The following NME9 variants were observed in gnomAD, a reference collection of about 807,000 sequenced individuals.
NME9 encodes the protein thioredoxin domain-containing protein 6.
A neutral mutation model predicts 44.4 loss-of-function variants in NME9; 48 were observed. That is an observed-to-expected ratio of 1.08 (90% CI 0.86 to 1.37). The LOEUF is 1.37. NME9 is among the 40% of genes most tolerant of loss of function. The probability of loss-of-function intolerance (pLI) is 0.00; values close to 1 mark genes in which losing one functional copy is unlikely to be tolerated. For missense variants in NME9, 325 were observed against 405.2 expected (o/e 0.80, Z 1.70); for synonymous variants, 139 against 147.1 (o/e 0.94, Z 0.40).
intron 8 of NME9, among the ~76,000 whole-genome samples, chr3:138,278,893 G>T (rs2049581819): frequency 6.6e-6 from 1 of 152,078 alleles, no homozygotes; most frequent in Non-Finnish European, 1.5e-5. Context: ...TGTCAGTCTT[G>T]TATCCTGCAT....
chr3:138,283,131 C>G (rs1484687004), intron 8 of NME9, among the ~76,000 whole-genome samples: 1 of 152,204 alleles, frequency 6.6e-6, no homozygotes, highest in Non-Finnish European at 1.5e-5. Context: ...TACTGTGTCT[C>G]AGAGGCAGCC....
chr3:138,289,260 T>C, intron 8 of NME9: 1 of 656,762 alleles, frequency 1.5e-6, no homozygotes, highest in Non-Finnish European at 2.6e-6. Context: ...AGAGTTGCCC[T>C]GGTATGAGAA....
At position 138,264,107 on chromosome 3, in the gene NME9, G is replaced by A. The variant is rs747521703; in HGVS notation, c.746-1521C>T. The A allele has an allele frequency of 6.2e-4, 985 of 1,598,902 alleles. 4 individuals are homozygous for A. The highest frequency in any genetic ancestry group is 7.9e-4 in the Non-Finnish European group (926 of 1,169,646). ...AGTAAAAGTTTTGATTTCTTGTGAA[G>A]CTAATTTTGATTATTCTTTGTAGAT... On this transcript the variant is annotated intron_variant, in intron 8 of 8. Coordinates refer to the NME9 transcript ENST00000317876.
intron 4 of NME9, among the ~76,000 whole-genome samples, chr3:138,317,629 T>C (rs1253536997): frequency 6.6e-6 from 1 of 152,246 alleles, no homozygotes; most frequent in Non-Finnish European, 1.5e-5. Context: ...TCACATTTTC[T>C]GATTAAATAA....
At chr3:138,286,085 A>C (rs2050379850) in intron 8 of NME9, among the ~76,000 whole-genome samples, 1 of 152,150 alleles carries the variant, frequency 6.6e-6, no homozygotes, top group African/African-American at 2.4e-5. Flanking sequence ...CTGGGATTAC[A>C]GGCGCGGCAC....
In NME9 at chr3:138,301,339, G is replaced by T; in HGVS notation, c.*301C>A. On this transcript the variant is annotated 3_prime_UTR_variant, in exon 11 of 11. Transcript: ENST00000333911. ...CATGCCTAAGCCACCCGAGTAGCTG[G>T]ATGACAGGTGCACACCACCACGCCC... 2.7e-6 allele frequency: 1 copy of T among 368,548 alleles called. No homozygotes were observed. The allele number at this position is 368,548 out of a possible 1,614,324, so 22.8% of individuals were successfully genotyped here.
At chr3:138,289,098 C>T in intron 8 of NME9, 1 of 1,613,114 alleles carries the variant, frequency 6.2e-7, no homozygotes, top group Non-Finnish European at 8.5e-7. Flanking sequence ...GTATATCAAA[C>T]CTCATATGGA....
intron 9 of NME9, 55 bp downstream of exon 9, chr3:138,304,818 C>A: frequency 1.3e-6 from 2 of 1,558,924 alleles, no homozygotes; most frequent in South Asian, 1.2e-5. Context: ...TGGGACTCAG[C>A]CTCCTGGGAT....
At chr3:138,294,734 G>A (rs746832672) in intron 8 of NME9, among the ~76,000 whole-genome samples, 4 of 151,992 alleles carry the variant, frequency 2.6e-5, no homozygotes, top group Non-Finnish European at 4.4e-5. Flanking sequence ...TAACTCCCAC[G>A]ATTACAGCCT....
intron 1 of NME9, among the ~76,000 whole-genome samples, chr3:138,325,400 T>C (rs2053718855): frequency 1.4e-5 from 2 of 147,790 alleles, no homozygotes. Flanking sequence ...AAAAATTTCT[T>C]TTTTTTTTTT....
At chr3:138,303,034 T>C (rs1015228744) in intron 10 of NME9, among the ~76,000 whole-genome samples, 1 of 152,190 alleles carries the variant, frequency 6.6e-6, no homozygotes, top group Non-Finnish European at 1.5e-5. Context: ...ACAACGGTCA[T>C]GCATTGAAAT....
At chr3:138,311,069 G>GGAAACCACAGAAATATAAA (rs2052669152) in intron 6 of NME9, among the ~76,000 whole-genome samples, 4 of 152,028 alleles carry the variant, frequency 2.6e-5, no homozygotes, top group Non-Finnish European at 5.9e-5. Context: ...CATAACAACT[G>GGAAACCACAGAAATATAAA]GAAACCACAG....
At position 138,267,566 on chromosome 3, in the gene NME9, C is replaced by G. The variant is rs1420461497; in HGVS notation, c.746-4980G>C. ...GTAAACTATTCTCAGGCTATCTTTACTAAAGAATAAATTAAGACTAAATTT... is the reference window on the plus strand; with the variant it reads ...GTAAACTATTCTCAGGCTATCTTTAGTAAAGAATAAATTAAGACTAAATTT... On this transcript the variant is annotated intron_variant, in intron 8 of 8. Transcript: ENST00000317876. 2.6e-5 allele frequency among the ~76,000 whole-genome samples: 4 copies of G among 152,182 alleles called. No individual in the cohort carries two copies. The East Asian group carries it at 7.7e-4, about 29-fold the overall frequency.
In NME9 at chr3:138,318,166, T is replaced by C. The variant is rs2053216825; in HGVS notation, c.249A>G (p.Pro83=). The C allele has an allele frequency of 1.2e-6, 2 of 1,609,192 alleles. No individual in the cohort carries two copies. The highest frequency in any genetic ancestry group is 1.7e-6 in the Non-Finnish European group (2 of 1,175,572). The change falls in exon 4 of 11, where the codon CCA becomes CCG. Residue 83 remains proline (P), a synonymous_variant. Coordinates refer to ENST00000333911, the MANE Select transcript of NME9 (RefSeq NM_001349018.2). ...VLEKYRGKCE[P]TFLFYAGGEL... ...TACTTACTGCATAAAACAGAAAGGTTGGCTCGCACTTCCCTCTGTACTTTT... is the reference window on the plus strand; with the variant it reads ...TACTTACTGCATAAAACAGAAAGGTCGGCTCGCACTTCCCTCTGTACTTTT...
At chr3:138,279,691 T>C (rs2049684661) in intron 8 of NME9, among the ~76,000 whole-genome samples, 1 of 152,204 alleles carries the variant, frequency 6.6e-6, no homozygotes, top group African/African-American at 2.4e-5. Flanking sequence ...TGGAAAGGTG[T>C]TTAACTACAA....
chr3:138,290,733 T>TA, intron 8 of NME9: 1 of 791,786 alleles, frequency 1.3e-6, no homozygotes, highest in Non-Finnish European at 2.0e-6. Flanking sequence ...CCATACTTTT[T>TA]AAAATCTTTT....
rs1302873318 is a variant in NME9, at chr3:138,320,399, TC to T, written c.92-819del. 2.6e-5 allele frequency among the ~76,000 whole-genome samples: 4 copies of T among 152,230 alleles called. No homozygotes were observed. In the East Asian group the frequency reaches 7.7e-4, roughly 29 times the overall value. Reference sequence around the variant, plus strand: ...CAACACTCCCAGAGTTCATGCCTGTTCCACACAGGTGAGCATTTCTGTTCAA... The same window carrying T: ...CAACACTCCCAGAGTTCATGCCTGTTCACACAGGTGAGCATTTCTGTTCAA... On this transcript the variant is annotated intron_variant, in intron 2 of 10. Transcript: ENST00000333911.
intron 8 of NME9, among the ~76,000 whole-genome samples, chr3:138,280,129 C>T (rs1332756684): frequency 6.6e-6 from 1 of 152,016 alleles, no homozygotes; most frequent in Non-Finnish European, 1.5e-5. Flanking sequence ...GGCTCAAACT[C>T]CTGACCTCAG....
Position 138,329,342 on chromosome 3 carries a change from G to A in NME9, c.-7C>T, listed in dbSNP as rs368003485. The A allele has an allele frequency of 3.9e-6, 6 of 1,535,944 alleles. No individual in the cohort carries two copies. Among genetic ancestry groups the A allele is most frequent in the Admixed American group, 2.0e-5 (1 of 50,982 alleles). On this transcript the variant is annotated 5_prime_UTR_variant, in exon 1 of 11. Transcript: ENST00000333911. ...CCTTCTTCCTGCTGCCCATGGCTCT[G>A]CAAAGAAGACGAAGCCCTGTTACCG...
Sources: allele counts gnomAD v4.1 joint callset (sites outside exome capture counted in the v4.1 genomes callset), GRCh38; gene constraint gnomAD v4.1.1; transcripts MANE v1.5; gene names NCBI Gene and HGNC (gene_info 2026-07-23, HGNC 2026-07-21).